The following TENM3 variants were observed in gnomAD, a reference collection of about 807,000 sequenced individuals.
The protein encoded by TENM3 is teneurin transmembrane protein 3, also known as teneurin-3.
A neutral mutation model predicts 255.1 loss-of-function variants in TENM3; 63 were observed. That is an observed-to-expected ratio of 0.25 (90% CI 0.20 to 0.30). The LOEUF is 0.30. Ranked by LOEUF, TENM3 falls within the 10% of genes least tolerant of loss-of-function variation. The pLI, the probability that TENM3 is intolerant of heterozygous loss-of-function variation, is 1.00. For synonymous variants in TENM3, 1,306 were observed against 1,322.3 expected, an observed-to-expected ratio of 0.99 and a Z score of 0.27; for missense variants, 2,929 against 3,461.1, an observed-to-expected ratio of 0.85 and a Z score of 3.86.
At chr4:182,207,348 T>C (rs965948140) in intron 1 of TENM3, among the ~76,000 whole-genome samples, 2 of 152,238 alleles carry the variant, frequency 1.3e-5, no homozygotes, top group African/African-American at 4.8e-5. Context: ...ACTTGGTATG[T>C]CATATTTTAT....
chr4:181,602,384 G>A, the TENM3 span, among the ~76,000 whole-genome samples: 1 of 152,142 alleles, frequency 6.6e-6, no homozygotes, highest in Non-Finnish European at 1.5e-5. Context: ...TTCCTTCTGA[G>A]GTGATTGCTT....
At chr4:181,558,723 T>A in the TENM3 span, among the ~76,000 whole-genome samples, 1 of 152,298 alleles carries the variant, frequency 6.6e-6, no homozygotes, top group African/African-American at 2.4e-5. Context: ...TCCAAATGCA[T>A]AGAAGAGCAA....
chr4:181,752,528 G>C, the TENM3 span, among the ~76,000 whole-genome samples: 1 of 151,986 alleles, frequency 6.6e-6, no homozygotes, highest in Non-Finnish European at 1.5e-5. Flanking sequence ...CACCAGCCTG[G>C]GCGACAGAGC....
rs185058234 is a variant in TENM3 at position 182,314,174 on chromosome 4, G to A, written c.-75-9772G>A. On this transcript the variant is annotated intron_variant, in intron 1 of 27. Coordinates refer to ENST00000511685, the MANE Select transcript of TENM3 (RefSeq NM_001080477.4). ...AAATTAGCCGGGCGCTTTGGCAAGC[G>A]CCTGTAGTCCCAGCTACTCGGGAGG... Among the ~76,000 whole-genome samples the A allele has an allele frequency of 5.4e-4, 82 of 152,152 alleles. 1 individual carries two copies. The highest frequency in any genetic ancestry group is 1.7e-3 in the African/African-American group (70 of 41,524).
intron 3 of TENM3, among the ~76,000 whole-genome samples, chr4:182,384,881 A>T (rs1767805223): frequency 6.6e-6 from 1 of 152,114 alleles, no homozygotes; most frequent in African/African-American, 2.4e-5. Context: ...AACGAGTATT[A>T]AGTCTGGAAG....
chr4:182,469,865 G>C (rs28478370), intron 3 of TENM3, among the ~76,000 whole-genome samples: 1,593 of 152,196 alleles, frequency 0.01, 27 homozygotes, highest in African/African-American at 0.037. Context: ...GTAAAATCCT[G>C]TTTTATAACA....
chr4:182,161,816 T>TGTATATATATACACATATATATGG, intron 1 of TENM3, among the ~76,000 whole-genome samples: 1 of 40,914 alleles, frequency 2.4e-5, no homozygotes, highest in Non-Finnish European at 4.4e-5. Flanking sequence ...CATATATATG[T>TGTATATATATACACATATATATGG]ATATATATAC....
At chr4:181,700,604 AGAT>A in the TENM3 span, among the ~76,000 whole-genome samples, 3 of 152,234 alleles carry the variant, frequency 2.0e-5, no homozygotes, top group Admixed American at 6.5e-5. Context: ...ATCTCCTCAA[AGAT>A]GATCATCTTT....
intron 3 of TENM3, among the ~76,000 whole-genome samples, chr4:182,478,883 C>T (rs1425935447): frequency 1.3e-5 from 2 of 151,592 alleles, no homozygotes; most frequent in Admixed American, 6.6e-5. Flanking sequence ...TAAAGTACTC[C>T]TTTTGTTTTA....
At chr4:182,461,857 C>A (rs1732029360) in intron 3 of TENM3, among the ~76,000 whole-genome samples, 1 of 152,164 alleles carries the variant, frequency 6.6e-6, no homozygotes, top group Non-Finnish European at 1.5e-5. Flanking sequence ...TGAATTCACA[C>A]AGCTAAGATA....
chr4:182,137,045 A>G, the TENM3 span, among the ~76,000 whole-genome samples: 2 of 151,976 alleles, frequency 1.3e-5, no homozygotes, highest in African/African-American at 4.8e-5. Context: ...TGCTTCTCCA[A>G]TTTTACTGGA....
At chr4:182,778,932 A>G (rs1764913143) in intron 24 of TENM3, among the ~76,000 whole-genome samples, 1 of 143,212 alleles carries the variant, frequency 7.0e-6, no homozygotes, top group East Asian at 2.0e-4. Context: ...GTGTGTATAA[A>G]TATATATTTT....
chr4:182,071,142 A>G, the TENM3 span, among the ~76,000 whole-genome samples: 1 of 152,176 alleles, frequency 6.6e-6, no homozygotes, highest in Non-Finnish European at 1.5e-5. Context: ...AGAGCATACT[A>G]TTTCAAGACT....
the TENM3 span, among the ~76,000 whole-genome samples, chr4:181,970,871 C>A: frequency 6.6e-6 from 1 of 152,264 alleles, no homozygotes; most frequent in Non-Finnish European, 1.5e-5. Context: ...AATACATGTC[C>A]TACAATAAGT....
the TENM3 span, among the ~76,000 whole-genome samples, chr4:182,063,853 G>C: frequency 1.3e-5 from 2 of 152,238 alleles, no homozygotes; most frequent in East Asian, 3.9e-4. Flanking sequence ...TTCAAATGAA[G>C]ACTCTTCCAG....
At chr4:182,154,069 T>A (rs1471737992) in intron 1 of TENM3, among the ~76,000 whole-genome samples, 2 of 152,266 alleles carry the variant, frequency 1.3e-5, no homozygotes, top group East Asian at 1.9e-4. Context: ...ATCACTTAAT[T>A]TTAAGTCTGG....
intron 3 of TENM3, among the ~76,000 whole-genome samples, chr4:182,403,336 C>G (rs1347177241): frequency 6.6e-6 from 1 of 152,186 alleles, no homozygotes; most frequent in Non-Finnish European, 1.5e-5. Context: ...ATAAAAAGGT[C>G]TGTAATAAAT....
chr4:181,696,675 A>G, the TENM3 span, among the ~76,000 whole-genome samples: 6 of 152,230 alleles, frequency 3.9e-5, no homozygotes, highest in African/African-American at 1.4e-4. Flanking sequence ...CCTGGCCCAT[A>G]AGACTGTACG....
At chr4:182,718,410 G>T (rs1409317969) in intron 13 of TENM3, among the ~76,000 whole-genome samples, 1 of 152,108 alleles carries the variant, frequency 6.6e-6, no homozygotes, top group African/African-American at 2.4e-5. Flanking sequence ...TCATGGTTGT[G>T]TGTGGCCTGG....
Sources: allele counts gnomAD v4.1 joint callset (sites outside exome capture counted in the v4.1 genomes callset), GRCh38; gene constraint gnomAD v4.1.1; transcripts MANE v1.5; gene names NCBI Gene and HGNC (gene_info 2026-07-23, HGNC 2026-07-21).